Variants in GABRB1 observed in about 807,000 individuals in gnomAD.
GABRB1 encodes the protein gamma-aminobutyric acid type A receptor subunit beta1.
In GABRB1, 17 loss-of-function variants were observed where a neutral mutation model predicts 51.6. The observed-to-expected ratio is 0.33, with a 90% CI of 0.23 to 0.49. GABRB1 has a LOEUF of 0.49. GABRB1 is among the 20% of genes least tolerant of loss of function. The pLI, the probability that GABRB1 is intolerant of heterozygous loss-of-function variation, is 0.99. For synonymous variants in GABRB1, 247 were observed against 218.9 expected, an observed-to-expected ratio of 1.13 and a Z score of -1.14; for missense variants, 410 against 600.6, an observed-to-expected ratio of 0.68 and a Z score of 3.32.
At chr4:47,306,553 T>A (rs1724478158) in intron 4 of GABRB1, among the ~76,000 whole-genome samples, 1 of 151,952 alleles carries the variant, frequency 6.6e-6, no homozygotes, top group African/African-American at 2.4e-5. Flanking sequence ...CTTCATCCCA[T>A]CCTCTTTTTT....
chr4:47,161,027 A>G (rs1289564996), intron 3 of GABRB1, among the ~76,000 whole-genome samples: 1 of 151,902 alleles, frequency 6.6e-6, no homozygotes, highest in Non-Finnish European at 1.5e-5. Flanking sequence ...TCCTGGGCTC[A>G]AGGGATTCTC....
chr4:47,242,594 T>C (rs1270597783), intron 4 of GABRB1, among the ~76,000 whole-genome samples: 2 of 152,246 alleles, frequency 1.3e-5, no homozygotes, highest in South Asian at 2.1e-4. Context: ...TGGTATGAGA[T>C]GGTATCTCAT....
intron 3 of GABRB1, among the ~76,000 whole-genome samples, chr4:47,041,596 G>A (rs1725839583): frequency 6.6e-6 from 1 of 152,044 alleles, no homozygotes; most frequent in South Asian, 2.1e-4. Flanking sequence ...GAATGATAGG[G>A]TTTATTTGGT....
At chr4:47,071,214 G>A (rs548099787) in intron 3 of GABRB1, among the ~76,000 whole-genome samples, 2 of 152,216 alleles carry the variant, frequency 1.3e-5, no homozygotes, top group South Asian at 2.1e-4. Context: ...TATTGCTATT[G>A]TCTAAATTCT....
intron 4 of GABRB1, among the ~76,000 whole-genome samples, chr4:47,232,949 A>G (rs1721197540): frequency 1.3e-5 from 2 of 148,522 alleles, no homozygotes; most frequent in Admixed American, 6.8e-5. Context: ...ATCTCAGCTC[A>G]CTGCAACCTC....
intron 5 of GABRB1, among the ~76,000 whole-genome samples, chr4:47,328,155 G>A (rs1201655775): frequency 1.3e-5 from 2 of 152,074 alleles, no homozygotes; most frequent in African/African-American, 4.8e-5. Context: ...TTTTGATGGG[G>A]TTGTTTGTTT....
At chr4:47,278,628 G>C (rs1254475039) in intron 4 of GABRB1, among the ~76,000 whole-genome samples, 1 of 151,936 alleles carries the variant, frequency 6.6e-6, no homozygotes, top group African/African-American at 2.4e-5. Flanking sequence ...TTTGCCTTTT[G>C]CCTGGCCCTC....
chr4:47,244,278 G>A (rs1023997803), intron 4 of GABRB1, among the ~76,000 whole-genome samples: 8 of 152,182 alleles, frequency 5.3e-5, no homozygotes, highest in Admixed American at 1.3e-4. Context: ...TGCTGTATTC[G>A]GTTTGCCAGT....
intron 4 of GABRB1, among the ~76,000 whole-genome samples, chr4:47,216,615 G>A (rs763253361): frequency 1.2e-4 from 18 of 151,842 alleles, no homozygotes; most frequent in Non-Finnish European, 2.5e-4. Flanking sequence ...GATTTCTGAT[G>A]GGAATTGGAA....
intron 5 of GABRB1, among the ~76,000 whole-genome samples, chr4:47,355,536 T>A (rs1422327868): frequency 1.3e-5 from 2 of 152,128 alleles, no homozygotes; most frequent in Non-Finnish European, 2.9e-5. Flanking sequence ...GATTTTGCAG[T>A]GACAAAAAAC....
intron 3 of GABRB1, among the ~76,000 whole-genome samples, chr4:47,148,116 T>C (rs1717259633): frequency 6.6e-6 from 1 of 151,986 alleles, no homozygotes; most frequent in Non-Finnish European, 1.5e-5. Context: ...AACTAGATAG[T>C]AGCAAGTATA....
intron 4 of GABRB1, among the ~76,000 whole-genome samples, chr4:47,229,923 A>G (rs1721078046): frequency 6.6e-6 from 1 of 152,150 alleles, no homozygotes; most frequent in Non-Finnish European, 1.5e-5. Context: ...CTAGCCTCCC[A>G]AATGATAAGA....
chr4:47,316,252 T>C (rs1724884239), intron 4 of GABRB1, among the ~76,000 whole-genome samples: 1 of 151,774 alleles, frequency 6.6e-6, no homozygotes, highest in African/African-American at 2.4e-5. Context: ...CTCCCTTTTT[T>C]AGGTCTTTGG....
intron 4 of GABRB1, among the ~76,000 whole-genome samples, chr4:47,255,687 A>T (rs1207997142): frequency 6.6e-6 from 1 of 152,232 alleles, no homozygotes. Context: ...ACTTGCCTGG[A>T]AGGCTTGTTA....
chr4:47,368,239 G>T (rs1727057977), intron 5 of GABRB1, among the ~76,000 whole-genome samples: 1 of 152,146 alleles, frequency 6.6e-6, no homozygotes, highest in South Asian at 2.1e-4. Flanking sequence ...AAATTGAAGG[G>T]TGTCAAGAAC....
At chr4:47,320,763 C>CTTTTTTTTTTTTTTTTTTT (rs1264288318) in intron 5 of GABRB1, among the ~76,000 whole-genome samples, 3 of 113,316 alleles carry the variant, frequency 2.6e-5, no homozygotes, top group African/African-American at 6.2e-5. Context: ...GTTTTCTTTT[C>CTTTTTTTTTTTTTTTTTTT]TTTTTTCTTT....
At chr4:47,128,080 T>A (rs1191279044) in intron 3 of GABRB1, among the ~76,000 whole-genome samples, 1 of 151,744 alleles carries the variant, frequency 6.6e-6, no homozygotes, top group Non-Finnish European at 1.5e-5. Flanking sequence ...GGTGTCTGAA[T>A]AATGCCCATA....
chr4:47,243,975 A>G (rs1387394285), intron 4 of GABRB1, among the ~76,000 whole-genome samples: 1 of 152,120 alleles, frequency 6.6e-6, no homozygotes, highest in Non-Finnish European at 1.5e-5. Flanking sequence ...TTTCAAAGGG[A>G]ATGCTTCCAG....
chr4:47,312,111 T>A (rs1449478410), intron 4 of GABRB1, among the ~76,000 whole-genome samples: 1 of 152,018 alleles, frequency 6.6e-6, no homozygotes, highest in African/African-American at 2.4e-5. Context: ...TCAGGCTTTG[T>A]TTGAGTAAAT....
Sources: allele counts gnomAD v4.1 joint callset (sites outside exome capture counted in the v4.1 genomes callset), GRCh38; gene constraint gnomAD v4.1.1; transcripts MANE v1.5; gene names NCBI Gene and HGNC (gene_info 2026-07-23, HGNC 2026-07-21).